Variants in MGAT4C observed in about 807,000 individuals in gnomAD.
MGAT4C encodes alpha-1,3-mannosyl-glycoprotein 4-beta-N-acetylglucosaminyltransferase C.
MGAT4C carries 19 observed loss-of-function variants against 40.1 expected under a neutral mutation model. That is an observed-to-expected ratio of 0.47 (90% confidence interval 0.33 to 0.70). The LOEUF is 0.70. Ranked by LOEUF, MGAT4C falls within the 30% of genes least tolerant of loss-of-function variation. The pLI is 0.02. For missense variants in MGAT4C, 491 were observed against 563.2 expected (o/e 0.87, Z 1.30); for synonymous variants, 181 against 187.1 (o/e 0.97, Z 0.27).
intron 2 of MGAT4C, among the ~76,000 whole-genome samples, chr12:86,642,537 G>A (rs532256718): frequency 5.9e-5 from 9 of 151,864 alleles, no homozygotes; most frequent in African/African-American, 2.2e-4. Flanking sequence ...TCCAGCATTT[G>A]CCAAAAGACT....
In MGAT4C at chr12:86,598,070, G is replaced by A. The variant is rs575846661; in HGVS notation, c.-229+129139C>T. On this transcript the variant is annotated intron_variant, in intron 2 of 7. Coordinates refer to the MGAT4C transcript ENST00000548651. ...ACTTTACTTTTCTATGTAAAGAAAAGTAACTTTTCTTTTTACTTTACCATA... is the reference window on the plus strand; with the variant it reads ...ACTTTACTTTTCTATGTAAAGAAAAATAACTTTTCTTTTTACTTTACCATA... Among the ~76,000 whole-genome samples, 6 of 152,144 alleles carry A rather than the reference G, an allele frequency of 3.9e-5. No individual in the cohort carries two copies. The South Asian group carries it at 1.0e-3, about 26-fold the overall frequency.
At chr12:86,110,889 T>C (rs909723020) in intron 1 of MGAT4C, among the ~76,000 whole-genome samples, 43 of 151,756 alleles carry the variant, frequency 2.8e-4, no homozygotes, top group Middle Eastern at 3.2e-3. Flanking sequence ...TATGTACTAC[T>C]GTGAATTTGA....
chr12:86,536,266 A>G (rs1481703578), intron 2 of MGAT4C, among the ~76,000 whole-genome samples: 3 of 152,122 alleles, frequency 2.0e-5, no homozygotes, highest in Non-Finnish European at 4.4e-5. Flanking sequence ...TATAATCATT[A>G]TTTACATAAT....
chr12:86,830,099 T>A (rs1181986000), intron 1 of MGAT4C, among the ~76,000 whole-genome samples: 1 of 151,554 alleles, frequency 6.6e-6, no homozygotes. Context: ...TCTATATCTA[T>A]GTTGGGTTGC....
chr12:86,752,866 T>G (rs1361612069), intron 1 of MGAT4C, among the ~76,000 whole-genome samples: 1 of 152,110 alleles, frequency 6.6e-6, no homozygotes, highest in Non-Finnish European at 1.5e-5. Context: ...AAAGTAAAAC[T>G]TCATTTCATA....
At chr12:86,051,566 T>G (rs928789647) in intron 1 of MGAT4C, among the ~76,000 whole-genome samples, 1 of 151,858 alleles carries the variant, frequency 6.6e-6, no homozygotes, top group African/African-American at 2.4e-5. Context: ...TAATTTCATC[T>G]GGTTAAATTA....
At chr12:86,057,595 G>A (rs1338218701) in intron 1 of MGAT4C, among the ~76,000 whole-genome samples, 2 of 152,088 alleles carry the variant, frequency 1.3e-5, no homozygotes, top group Non-Finnish European at 2.9e-5. Flanking sequence ...AGGAATGGCT[G>A]TGACCCCTAT....
Position 85,980,240 on chromosome 12 carries a change from G to C in MGAT4C, c.486C>G (p.His162Gln). The change falls in exon 5 of 5, where the codon CAC becomes CAG. Residue 162 changes from histidine (H) to glutamine (Q), a missense_variant. Physicochemically the swap from His to Gln is conservative, Grantham distance 24. Transcript: ENST00000611864. Reference sequence around the variant, plus strand: ...CCATTAATCTTCCTGCAATAATATGGTGCGCAAATTTCTGTGTAATATCCT... The same window carrying C: ...CCATTAATCTTCCTGCAATAATATGCTGCGCAAATTTCTGTGTAATATCCT... ...MVQDITQKFA[H>Q]HIIAGRLMVI... The C allele has an allele frequency of 6.2e-7, 1 of 1,613,780 alleles. No individual in the cohort carries two copies. Among genetic ancestry groups the C allele is most frequent in the Admixed American group, 1.7e-5 (1 of 59,964 alleles).
intron 1 of MGAT4C, among the ~76,000 whole-genome samples, chr12:86,758,982 C>T (rs903301507): frequency 6.6e-6 from 1 of 151,982 alleles, no homozygotes; most frequent in Non-Finnish European, 1.5e-5. Context: ...AACATCATGG[C>T]CTATTCTTCC....
At chr12:86,254,179 A>G (rs1952419807) in intron 1 of MGAT4C, among the ~76,000 whole-genome samples, 1 of 151,998 alleles carries the variant, frequency 6.6e-6, no homozygotes, top group Non-Finnish European at 1.5e-5. Context: ...GTGGCATAGG[A>G]AATTGCTATG....
At chr12:86,631,335 T>C (rs906009094) in intron 2 of MGAT4C, among the ~76,000 whole-genome samples, 2 of 152,092 alleles carry the variant, frequency 1.3e-5, no homozygotes, top group Non-Finnish European at 2.9e-5. Context: ...CTGTCCAAGG[T>C]AATTTCTAGG....
At chr12:86,083,925 A>G (rs1002585766) in intron 1 of MGAT4C, among the ~76,000 whole-genome samples, 14 of 152,200 alleles carry the variant, frequency 9.2e-5, no homozygotes, top group Admixed American at 6.6e-4. Context: ...TGTTTACCAC[A>G]GTCAGTAAAA....
At chr12:86,278,445 C>T (rs1309176596) in intron 4 of MGAT4C, among the ~76,000 whole-genome samples, 3 of 152,094 alleles carry the variant, frequency 2.0e-5, no homozygotes, top group Non-Finnish European at 4.4e-5. Context: ...TCCCAAAGTG[C>T]TGGGATTACA....
intron 2 of MGAT4C, among the ~76,000 whole-genome samples, chr12:86,689,420 T>C (rs188222626): frequency 1.3e-5 from 2 of 151,650 alleles, no homozygotes; most frequent in East Asian, 3.9e-4. Flanking sequence ...AGAAGGGGCA[T>C]TCTTGTTTTT....
intron 2 of MGAT4C, among the ~76,000 whole-genome samples, chr12:86,502,679 G>GA (rs1958372682): frequency 1.4e-5 from 2 of 144,948 alleles, no homozygotes; most frequent in African/African-American, 5.0e-5. Flanking sequence ...ATATACACGA[G>GA]TTCTGCTCAT....
intron 3 of MGAT4C, among the ~76,000 whole-genome samples, chr12:86,339,544 A>G (rs1355920055): frequency 5.9e-5 from 9 of 152,296 alleles, no homozygotes; most frequent in Admixed American, 5.9e-4. Context: ...TGATCACTCA[A>G]TCTTCTAAAT....
chr12:86,541,475 T>C (rs1454015896), intron 2 of MGAT4C, among the ~76,000 whole-genome samples: 1 of 152,154 alleles, frequency 6.6e-6, no homozygotes, highest in Non-Finnish European at 1.5e-5. Context: ...GGCATTGACT[T>C]GTTATTGATT....
chr12:86,684,844 G>GT (rs1950044015), intron 2 of MGAT4C, among the ~76,000 whole-genome samples: 1 of 151,888 alleles, frequency 6.6e-6, no homozygotes, highest in African/African-American at 2.4e-5. Context: ...CTTTTGAGAA[G>GT]TGTCTGTTCA....
chr12:86,121,086 C>A (rs1371934303), intron 1 of MGAT4C, among the ~76,000 whole-genome samples: 1 of 152,122 alleles, frequency 6.6e-6, no homozygotes, highest in Non-Finnish European at 1.5e-5. Flanking sequence ...GGCAAGAGAA[C>A]TACGTGACGC....
Sources: allele counts gnomAD v4.1 joint callset (sites outside exome capture counted in the v4.1 genomes callset), GRCh38; gene constraint gnomAD v4.1.1; transcripts MANE v1.5; gene names NCBI Gene and HGNC (gene_info 2026-07-23, HGNC 2026-07-21).